TTLL5: variants seen among roughly 807,000 people sequenced by gnomAD.
The protein encoded by TTLL5 is tubulin tyrosine ligase like 5, also known as tubulin polyglutamylase TTLL5.
TTLL5 carries 132 observed loss-of-function variants against 168.4 expected under a neutral mutation model. The ratio of observed to expected loss-of-function variants is 0.78; its 90% CI spans 0.68 to 0.91. The LOEUF (loss-of-function observed/expected upper bound fraction) is 0.91, where lower values mean the gene tolerates loss of function less well. Among genes scored for constraint, TTLL5 ranks in the 40% least tolerant of loss-of-function variants. The pLI, the probability that TTLL5 is intolerant of heterozygous loss-of-function variation, is 0.00. For missense variants in TTLL5, 1,545 were observed against 1,581.5 expected, an observed-to-expected ratio of 0.98 and a Z score of 0.39; for synonymous variants, 546 against 558.6, an observed-to-expected ratio of 0.98 and a Z score of 0.32.
In TTLL5 at chr14:75,906,879, C is replaced by G. The variant is rs551214385; in HGVS notation, c.3823+4655C>G. On this transcript the variant is annotated intron_variant, in intron 31 of 31. Coordinates refer to ENST00000298832, the MANE Select transcript of TTLL5 (RefSeq NM_015072.5). ...AATAGTTTGCTCCTATAATGGTCTA[C>G]CAGTAGGTGGCGCTGTGGCAGTAAG... Among the ~76,000 whole-genome samples the G allele has an allele frequency of 2.6e-5, 4 of 152,256 alleles. No homozygotes were observed. The South Asian group carries it at 8.3e-4, about 32-fold the overall frequency.
At chr14:75,753,050 T>C in intron 18 of TTLL5, 95 bp downstream of exon 18, 1 of 1,231,572 alleles carries the variant, frequency 8.1e-7, no homozygotes, top group South Asian at 1.4e-5. Flanking sequence ...AAAGTCTTTA[T>C]GTAAAATCTC....
At chr14:75,693,043 GA>G (rs1463873779) in intron 6 of TTLL5, among the ~76,000 whole-genome samples, 2 of 152,164 alleles carry the variant, frequency 1.3e-5, no homozygotes, top group African/African-American at 4.8e-5. Context: ...TGAGGTCTCA[GA>G]GGAGGCAGGA....
rs1262762130 is a variant in TTLL5, at chr14:75,720,280, C to CA, written c.935-310dup. On this transcript the variant is annotated intron_variant, in intron 11 of 31. Coordinates refer to ENST00000298832, the MANE Select transcript of TTLL5 (RefSeq NM_015072.5). ...TTGAGCAGAACGGGAAACTGTGTGCCAAAAAAGACTTTTCATTTCACAAGG... is the reference window on the plus strand; with the variant it reads ...TTGAGCAGAACGGGAAACTGTGTGCCAAAAAAAGACTTTTCATTTCACAAGG... 3.3e-5 allele frequency among the ~76,000 whole-genome samples: 5 copies of CA among 151,980 alleles called. No individual in the cohort carries two copies. The East Asian group carries it at 7.7e-4, about 23-fold the overall frequency.
intron 12 of TTLL5, among the ~76,000 whole-genome samples, chr14:75,727,294 C>T (rs978514567): frequency 1.3e-5 from 2 of 152,080 alleles, no homozygotes; most frequent in African/African-American, 4.8e-5. Flanking sequence ...ATCCAAATGT[C>T]CATCAACTGT....
intron 12 of TTLL5, among the ~76,000 whole-genome samples, chr14:75,723,046 T>C (rs1887943430): frequency 6.6e-6 from 1 of 152,122 alleles, no homozygotes; most frequent in South Asian, 2.1e-4. Context: ...TGTATATTTG[T>C]CTCCTGTAGC....
chr14:75,737,039 T>C (rs1888956669), intron 15 of TTLL5, among the ~76,000 whole-genome samples: 1 of 152,238 alleles, frequency 6.6e-6, no homozygotes, highest in African/African-American at 2.4e-5. Flanking sequence ...TGTGCAGCTT[T>C]AACACAGTTT....
intron 15 of TTLL5, among the ~76,000 whole-genome samples, chr14:75,741,133 G>T (rs1889237462): frequency 6.6e-6 from 1 of 152,326 alleles, no homozygotes; most frequent in East Asian, 1.9e-4. Flanking sequence ...TCAGCCAGTT[G>T]TTCCTTAGCA....
intron 28 of TTLL5, among the ~76,000 whole-genome samples, chr14:75,832,937 T>G (rs953911819): frequency 6.6e-6 from 1 of 152,160 alleles, no homozygotes; most frequent in African/African-American, 2.4e-5. Flanking sequence ...CTCTCTCTTT[T>G]AACCACCTCT....
intron 31 of TTLL5, among the ~76,000 whole-genome samples, chr14:75,944,815 A>G (rs995322447): frequency 2.6e-5 from 4 of 152,226 alleles, no homozygotes; most frequent in African/African-American, 7.2e-5. Flanking sequence ...TAGCTTCCTG[A>G]TAAGATCTCA....
chr14:75,826,296 TAC>T (rs57519882), intron 28 of TTLL5, among the ~76,000 whole-genome samples: 5,613 of 138,998 alleles, frequency 0.04, 99 homozygotes, highest in Middle Eastern at 0.059. Context: ...AGGATACGCG[TAC>T]ACACACACAC....
At chr14:75,737,978 T>C (rs1889013706) in intron 15 of TTLL5, among the ~76,000 whole-genome samples, 2 of 152,148 alleles carry the variant, frequency 1.3e-5, no homozygotes, top group South Asian at 4.1e-4. Flanking sequence ...TGAAACATAC[T>C]GTTGTCTATA....
intron 3 of TTLL5, among the ~76,000 whole-genome samples, chr14:75,680,846 C>A (rs1022767759): frequency 6.6e-6 from 1 of 151,870 alleles, no homozygotes; most frequent in African/African-American, 2.4e-5. Context: ...AGGCTGGTCT[C>A]GAATTCCTGA....
At chr14:75,722,934 G>A (rs969415434) in intron 12 of TTLL5, among the ~76,000 whole-genome samples, 7 of 152,126 alleles carry the variant, frequency 4.6e-5, no homozygotes, top group Non-Finnish European at 8.8e-5. Context: ...CTTTGGTGAT[G>A]TTTTTTTCTA....
intron 31 of TTLL5, among the ~76,000 whole-genome samples, chr14:75,904,742 A>C (rs932660876): frequency 9.2e-5 from 14 of 152,114 alleles, no homozygotes; most frequent in African/African-American, 3.4e-4. Context: ...TTGTTTAGGT[A>C]GTTTATTACT....
chr14:75,921,073 T>G (rs2033809449), intron 31 of TTLL5, among the ~76,000 whole-genome samples: 3 of 152,196 alleles, frequency 2.0e-5, no homozygotes, highest in South Asian at 2.1e-4. Context: ...GATGGGGTTG[T>G]TTGTTTGTTC....
chr14:75,775,442 C>T, intron 21 of TTLL5, 42 bp from the exon 22 acceptor site: 1 of 1,605,892 alleles, frequency 6.2e-7, no homozygotes, highest in Non-Finnish European at 8.5e-7. Flanking sequence ...TGCTTAGCAC[C>T]ATCCCTCCTT....
At chr14:75,795,742 G>A (rs1008475707) in intron 27 of TTLL5, among the ~76,000 whole-genome samples, 5 of 152,006 alleles carry the variant, frequency 3.3e-5, no homozygotes, top group Admixed American at 6.6e-5. Flanking sequence ...AGGTTGCTGC[G>A]AATACCATTA....
At chr14:75,851,436 G>A (rs1446350080) in intron 28 of TTLL5, among the ~76,000 whole-genome samples, 2 of 152,190 alleles carry the variant, frequency 1.3e-5, no homozygotes, top group African/African-American at 4.8e-5. Context: ...TATAGCCGCT[G>A]CTGGTAATTT....
intron 31 of TTLL5, among the ~76,000 whole-genome samples, chr14:75,952,661 G>A (rs1425738972): frequency 2.0e-5 from 3 of 152,174 alleles, no homozygotes; most frequent in Non-Finnish European, 4.4e-5. Context: ...TACACACAAT[G>A]GAATATTATT....
Sources: allele counts gnomAD v4.1 joint callset (sites outside exome capture counted in the v4.1 genomes callset), GRCh38; gene constraint gnomAD v4.1.1; transcripts MANE v1.5; gene names NCBI Gene and HGNC (gene_info 2026-07-23, HGNC 2026-07-21).